Variants in NRXN1 observed in about 807,000 individuals in gnomAD.
NRXN1 encodes the protein neurexin-1.
Under a neutral mutation model 150.9 loss-of-function variants are expected in NRXN1, and 39 were observed. The observed-to-expected ratio is 0.26, with a 90% CI of 0.20 to 0.34. NRXN1 has a LOEUF of 0.34. NRXN1 is among the 10% of genes least tolerant of loss of function. The pLI is 1.00. For missense variants in NRXN1, 1,815 were observed against 1,949.9 expected (o/e 0.93, Z 1.30); for synonymous variants, 924 against 757.0 (o/e 1.22, Z -3.62).
At chr2:50,180,363 G>T (rs987422458) in intron 18 of NRXN1, among the ~76,000 whole-genome samples, 2 of 152,024 alleles carry the variant, frequency 1.3e-5, no homozygotes, top group East Asian at 1.9e-4. Flanking sequence ...ATTCTGATGA[G>T]AATCCTTGAA....
chr2:50,621,282 A>G (rs775514349), intron 6 of NRXN1, 33 bp from the exon 7 acceptor site: 5 of 1,514,214 alleles, frequency 3.3e-6, no homozygotes, highest in Non-Finnish European at 4.5e-6. Flanking sequence ...AGGAAATTAA[A>G]AACTGTGAAC....
chr2:50,282,967 T>C (rs962365928), intron 17 of NRXN1, among the ~76,000 whole-genome samples: 3 of 152,198 alleles, frequency 2.0e-5, no homozygotes, highest in African/African-American at 7.2e-5. Context: ...CCATGGATAC[T>C]TGCTTAAACT....
At chr2:50,389,506 G>C (rs576453310) in intron 17 of NRXN1, among the ~76,000 whole-genome samples, 1 of 151,682 alleles carries the variant, frequency 6.6e-6, no homozygotes, top group South Asian at 2.1e-4. Context: ...TAAATCTCTT[G>C]ATTAGACCCA....
chr2:50,773,729 C>A (rs1043856798), intron 5 of NRXN1, among the ~76,000 whole-genome samples: 1 of 152,050 alleles, frequency 6.6e-6, no homozygotes, highest in Admixed American at 6.6e-5. Context: ...TGGGGGATGG[C>A]AGAAGCAATG....
chr2:50,452,019 A>G (rs1003540642), intron 17 of NRXN1, among the ~76,000 whole-genome samples: 2 of 152,262 alleles, frequency 1.3e-5, no homozygotes, highest in Non-Finnish European at 1.5e-5. Flanking sequence ...GTACACAGGC[A>G]TGATCTCTGC....
intron 21 of NRXN1, among the ~76,000 whole-genome samples, chr2:50,012,818 G>A (rs1484850998): frequency 6.6e-6 from 1 of 152,026 alleles, no homozygotes; most frequent in Non-Finnish European, 1.5e-5. Flanking sequence ...TTTTTATAAT[G>A]TAGTTTTCAT....
At chr2:50,336,289 C>T (rs555816309) in intron 17 of NRXN1, among the ~76,000 whole-genome samples, 2 of 152,132 alleles carry the variant, frequency 1.3e-5, no homozygotes, top group Non-Finnish European at 2.9e-5. Flanking sequence ...ATTTACCATC[C>T]TTTCTGAATG....
intron 5 of NRXN1, among the ~76,000 whole-genome samples, chr2:50,852,208 C>G (rs1298303303): frequency 1.3e-5 from 2 of 152,130 alleles, no homozygotes; most frequent in Non-Finnish European, 2.9e-5. Flanking sequence ...ACTAGTCACT[C>G]ATAGCTTTAC....
chr2:50,276,716 A>G (rs1292064716), intron 17 of NRXN1, among the ~76,000 whole-genome samples: 2 of 152,176 alleles, frequency 1.3e-5, no homozygotes, highest in East Asian at 1.9e-4. Flanking sequence ...TCTTTCTCTA[A>G]CAGACATGTT....
chr2:50,496,814 A>C (rs1322622133), intron 14 of NRXN1, among the ~76,000 whole-genome samples: 1 of 152,230 alleles, frequency 6.6e-6, no homozygotes, highest in East Asian at 1.9e-4. Flanking sequence ...GAGTGAATAA[A>C]TGCTGAAATC....
At chr2:50,532,930 GA>G (rs1573433140) in intron 10 of NRXN1, among the ~76,000 whole-genome samples, 1 of 152,048 alleles carries the variant, frequency 6.6e-6, no homozygotes, top group African/African-American at 2.4e-5. Flanking sequence ...AAACTACCTG[GA>G]ATTAAAATGA....
At chr2:50,927,802 T>G (rs1246858941) in intron 2 of NRXN1, among the ~76,000 whole-genome samples, 2 of 151,912 alleles carry the variant, frequency 1.3e-5, no homozygotes, top group African/African-American at 4.8e-5. Flanking sequence ...TTAATTTCTG[T>G]AAAGACGGGC....
At chr2:50,408,718 C>A (rs2082927723) in intron 17 of NRXN1, among the ~76,000 whole-genome samples, 1 of 152,126 alleles carries the variant, frequency 6.6e-6, no homozygotes, top group Non-Finnish European at 1.5e-5. Context: ...ACATTCTACA[C>A]CTGACTTCCA....
At chr2:51,031,446 T>C (rs1176449486) in intron 1 of NRXN1, among the ~76,000 whole-genome samples, 1 of 152,082 alleles carries the variant, frequency 6.6e-6, no homozygotes, top group African/African-American at 2.4e-5. Context: ...CTTCAATATA[T>C]ATATATATCT....
chr2:50,680,236 T>A (rs1241899248), intron 5 of NRXN1, among the ~76,000 whole-genome samples: 1 of 152,070 alleles, frequency 6.6e-6, no homozygotes, highest in Non-Finnish European at 1.5e-5. Context: ...TTATAATATA[T>A]CTGATGCCTG....
chr2:50,784,512 A>G (rs1342692858), intron 5 of NRXN1, among the ~76,000 whole-genome samples: 1 of 152,078 alleles, frequency 6.6e-6, no homozygotes, highest in Admixed American at 6.6e-5. Context: ...AAAAACATGA[A>G]AATTCATTAT....
At chr2:50,542,087 G>C (rs2093402929) in intron 9 of NRXN1, among the ~76,000 whole-genome samples, 1 of 152,074 alleles carries the variant, frequency 6.6e-6, no homozygotes, top group African/African-American at 2.4e-5. Context: ...TTCGAGACCA[G>C]CCTGACCAAC....
At chr2:50,481,720 A>G (rs1466820715) in intron 15 of NRXN1, among the ~76,000 whole-genome samples, 2 of 151,300 alleles carry the variant, frequency 1.3e-5, no homozygotes, top group East Asian at 1.9e-4. Flanking sequence ...ATCCATATCA[A>G]CAGAACATAT....
intron 18 of NRXN1, among the ~76,000 whole-genome samples, chr2:50,219,133 G>A (rs1405729235): frequency 1.3e-5 from 2 of 151,916 alleles, no homozygotes; most frequent in African/African-American, 4.8e-5. Context: ...ATTCAAACAG[G>A]CTTTGATCCA....
Sources: allele counts gnomAD v4.1 joint callset (sites outside exome capture counted in the v4.1 genomes callset), GRCh38; gene constraint gnomAD v4.1.1; transcripts MANE v1.5; gene names NCBI Gene and HGNC (gene_info 2026-07-23, HGNC 2026-07-21).